Variants in EPS15 observed in about 807,000 individuals in gnomAD.
EPS15 encodes the protein epidermal growth factor receptor pathway substrate 15.
EPS15 carries 72 observed loss-of-function variants against 113.8 expected under a neutral mutation model. The observed-to-expected ratio is 0.63, with a 90% confidence interval of 0.52 to 0.77. The LOEUF is 0.77. Among genes scored for constraint, EPS15 ranks in the 30% least tolerant of loss-of-function variants. The probability of loss-of-function intolerance (pLI) is 0.00; values close to 1 mark genes in which losing one functional copy is unlikely to be tolerated. For missense variants in EPS15, 1,048 were observed against 1,045.8 expected (o/e 1.00, Z -0.03); for synonymous variants, 344 against 363.4 (o/e 0.95, Z 0.61).
chr1:51,367,350 G>A (rs1393797723), intron 21 of EPS15, among the ~76,000 whole-genome samples: 1 of 152,052 alleles, frequency 6.6e-6, no homozygotes, highest in African/African-American at 2.4e-5. Flanking sequence ...CCAGGATTTC[G>A]AGACCAGCCT....
chr1:51,372,967 G>A (rs993752862), intron 21 of EPS15: 21 of 461,466 alleles, frequency 4.6e-5, no homozygotes, highest in Non-Finnish European at 7.3e-5. Flanking sequence ...TCTGCTGCCA[G>A]ACATCAGCCT....
chr1:51,469,144 CA>C (rs1036577236), intron 4 of EPS15, among the ~76,000 whole-genome samples: 7 of 143,580 alleles, frequency 4.9e-5, no homozygotes, highest in Non-Finnish European at 6.1e-5. Flanking sequence ...ACAGACAAAC[CA>C]AAAAAAAACA....
chr1:51,373,033 T>TAC, intron 21 of EPS15: 1 of 236,084 alleles, frequency 4.2e-6, no homozygotes, highest in East Asian at 1.3e-4. Context: ...GGCAGTGGGG[T>TAC]ACTCTGCCTC....
At chr1:51,391,391 C>T (rs1189644889) in intron 21 of EPS15, among the ~76,000 whole-genome samples, 1 of 151,678 alleles carries the variant, frequency 6.6e-6, no homozygotes, top group Non-Finnish European at 1.5e-5. Context: ...GTGCAGCACA[C>T]CAGCATGGCA....
At chr1:51,471,809 T>A in intron 3 of EPS15, 72 bp from the exon 4 acceptor site, 1 of 1,105,342 alleles carries the variant, frequency 9.0e-7, no homozygotes, top group Non-Finnish European at 1.4e-6. Flanking sequence ...ATTAAATCTC[T>A]GCTATTTACA....
intron 2 of EPS15, 129 bp from the exon 3 acceptor site, chr1:51,473,077 C>T: frequency 1.4e-6 from 1 of 692,510 alleles, no homozygotes. Flanking sequence ...CCTTTGACTA[C>T]CATGGGCCAA....
intron 21 of EPS15, among the ~76,000 whole-genome samples, chr1:51,385,283 A>G (rs776033538): frequency 1.3e-5 from 2 of 152,204 alleles, no homozygotes; most frequent in Non-Finnish European, 2.9e-5. Flanking sequence ...TCTCCATAGA[A>G]GATATACAAA....
At chr1:51,417,204 A>G (rs530411362) in intron 13 of EPS15, among the ~76,000 whole-genome samples, 126 of 152,318 alleles carry the variant, frequency 8.3e-4, no homozygotes, top group Admixed American at 2.0e-3. Flanking sequence ...TAAGTGAATT[A>G]AAATAAAAAA....
chr1:51,499,526 T>C (rs1160782312), intron 1 of EPS15, among the ~76,000 whole-genome samples: 1 of 152,226 alleles, frequency 6.6e-6, no homozygotes, highest in Non-Finnish European at 1.5e-5. Flanking sequence ...TTTGAATTTT[T>C]TTCAGGAACT....
chr1:51,446,583 A>C (rs1000183380), intron 10 of EPS15, among the ~76,000 whole-genome samples: 3 of 151,770 alleles, frequency 2.0e-5, no homozygotes, highest in Non-Finnish European at 4.4e-5. Flanking sequence ...CCTCCCGAGT[A>C]GCTGGAACTA....
rs187161550 is a variant in EPS15 at position 51,511,515 on chromosome 1, A to G, written c.33+7684T>C. Among the ~76,000 whole-genome samples, 164 of 152,346 alleles carry G rather than the reference A, an allele frequency of 1.1e-3. 1 individual carries two copies. The highest frequency in any genetic ancestry group is 3.9e-3 in the African/African-American group (162 of 41,574). ...CTCTCAAAAGTACTAAAACTTTAAA[A>G]TAAAAATAAATAAATAAACCAGTGA... On this transcript the variant is annotated intron_variant, in intron 1 of 24. Transcript: ENST00000371733.
chr1:51,356,677 T>C lies in EPS15; in HGVS notation c.*23A>G, dbSNP rs1166415763. The C allele has an allele frequency of 1.9e-6, 3 of 1,608,820 alleles. No homozygotes were observed. The highest frequency in any genetic ancestry group is 1.7e-6 in the Non-Finnish European group (2 of 1,176,146). On this transcript the variant is annotated 3_prime_UTR_variant, in exon 25 of 25. Transcript: ENST00000371733. The stretch of plus-strand genomic sequence containing the variant: ...ATTCAGGAAGAAGAATACTATATTG[T>C]TGCCAAAGAACAAGAGAATTCTTCA...
At chr1:51,496,225 G>A (rs963825413) in intron 1 of EPS15, among the ~76,000 whole-genome samples, 3 of 152,126 alleles carry the variant, frequency 2.0e-5, no homozygotes, top group South Asian at 2.1e-4. Context: ...TACACACCTA[G>A]TTAAGTGTTG....
intron 6 of EPS15, among the ~76,000 whole-genome samples, chr1:51,464,849 C>A (rs1419542702): frequency 3.3e-5 from 5 of 152,102 alleles, no homozygotes; most frequent in African/African-American, 7.2e-5. Flanking sequence ...TTTTATAGTA[C>A]GATATGATGT....
intron 13 of EPS15, among the ~76,000 whole-genome samples, chr1:51,411,077 C>T (rs60782272): frequency 0.03 from 4,583 of 152,294 alleles, 75 homozygotes; most frequent in African/African-American, 0.05. Flanking sequence ...CACCATGTGA[C>T]ATACCATCTG....
At chr1:51,430,866 G>C (rs964146804) in intron 12 of EPS15, among the ~76,000 whole-genome samples, 14 of 151,772 alleles carry the variant, frequency 9.2e-5, no homozygotes, top group African/African-American at 3.4e-4. Flanking sequence ...GGCTAAGGTG[G>C]GAGGACTGCT....
intron 21 of EPS15, among the ~76,000 whole-genome samples, chr1:51,377,137 G>A (rs146551355): frequency 1.3e-5 from 2 of 152,236 alleles, no homozygotes; most frequent in Admixed American, 6.5e-5. Context: ...GCGTGGTGGC[G>A]GGCGTAATCT....
Position 51,354,659 on chromosome 1 carries a change from T to G in EPS15, c.*2041A>C, listed in dbSNP as rs1488052273. ...CAACATAAAATACCACAAACGACTC[T>G]AAGACATTCATCCTACACAAGCGAG... is the stretch of plus-strand genomic sequence containing the variant. On this transcript the variant is annotated 3_prime_UTR_variant, in exon 25 of 25. Coordinates refer to ENST00000371733, the MANE Select transcript of EPS15 (RefSeq NM_001981.3). The G allele has an allele frequency of 5.4e-6, 1 of 184,590 alleles. No homozygotes were observed. Among genetic ancestry groups the G allele is most frequent in the Non-Finnish European group, 1.2e-5 (1 of 86,918 alleles). 11.4% of individuals were successfully genotyped at this position (184,590 alleles called of 1,614,324 possible).
In EPS15 at chr1:51,402,436, G is replaced by A. The variant is rs760731704; in HGVS notation, c.1881C>T (p.Gly627=). ...LDFFQSDPFV[G]SDPFKDDPFG... ...TAATATAAAAAAAAGAGTACTTACTGCCAACAAAAGGATCAGACTGGAAAA... is the reference window on the plus strand; with the variant it reads ...TAATATAAAAAAAAGAGTACTTACTACCAACAAAAGGATCAGACTGGAAAA... Residue 627 remains glycine, a splice_region_variant and synonymous_variant, in exon 18 of 25, where the codon GGC becomes GGT. Coordinates refer to ENST00000371733, the MANE Select transcript of EPS15 (RefSeq NM_001981.3). 2.1e-5 allele frequency: 32 copies of A among 1,527,672 alleles called. No individual in the cohort carries two copies. Among genetic ancestry groups the A allele is most frequent in the Non-Finnish European group, 2.8e-5 (31 of 1,120,250 alleles). 94.6% of individuals were successfully genotyped at this position (1,527,672 alleles called of 1,614,324 possible). A position where few individuals can be genotyped will look rare whatever the true frequency, so the allele number is the denominator to read the frequency against.
Sources: allele counts gnomAD v4.1 joint callset (sites outside exome capture counted in the v4.1 genomes callset), GRCh38; gene constraint gnomAD v4.1.1; transcripts MANE v1.5; gene names NCBI Gene and HGNC (gene_info 2026-07-23, HGNC 2026-07-21).